The following GCLC variants were observed in gnomAD, a reference collection of about 807,000 sequenced individuals.
GCLC encodes the protein glutamate-cysteine ligase catalytic subunit.
GCLC carries 30 observed loss-of-function variants against 81.5 expected under a neutral mutation model. The observed-to-expected ratio is 0.37, with a 90% CI of 0.28 to 0.50. GCLC has a LOEUF of 0.50. GCLC is among the 20% of genes least tolerant of loss of function. GCLC has a pLI of 0.96. For synonymous variants in GCLC, 262 were observed against 273.3 expected, an observed-to-expected ratio of 0.96 and a Z score of 0.41; for missense variants, 556 against 777.4, an observed-to-expected ratio of 0.72 and a Z score of 3.39.
rs775235283 is a variant in GCLC at position 53,544,693 on chromosome 6, C to T, written c.-48G>A. On this transcript the variant is annotated 5_prime_UTR_variant, in exon 1 of 16. Transcript: ENST00000650454. Reference sequence around the variant, plus strand: ...TCCTCCTCCGGGCTGACGGCGGTCGCCCGCTCCGGGCGCGAGACGGACACT... The same window carrying T: ...TCCTCCTCCGGGCTGACGGCGGTCGTCCGCTCCGGGCGCGAGACGGACACT... 1.2e-5 allele frequency: 18 copies of T among 1,541,670 alleles called. No homozygotes were observed. Among genetic ancestry groups the T allele is most frequent in the Non-Finnish European group, 1.5e-5 (17 of 1,149,538 alleles).
chr6:53,544,449 C>T (rs1490701126), intron 1 of GCLC, 47 bp downstream of exon 1: 3 of 1,591,138 alleles, frequency 1.9e-6, no homozygotes, highest in Admixed American at 3.3e-5. Context: ...GCAGCGCGGG[C>T]GGCCAGACAC....
Position 53,505,457 on chromosome 6 carries a change from A to T in GCLC, c.1330T>A (p.Phe444Ile). Residue 444 changes from phenylalanine to isoleucine, a missense_variant, in exon 12 of 16, where the codon TTT becomes ATT. Coordinates refer to ENST00000650454, the MANE Select transcript of GCLC (RefSeq NM_001498.4). ...ATCACTCTGGTGAGCAGTACCACAA[A>T]CACCACATAGGCAGAGTTCTCAAAG... ...TDFENSAYVV[F>I]VVLLTRVILS... 1 of 1,606,754 alleles carries T rather than the reference A, an allele frequency of 6.2e-7. No homozygotes were observed. The highest frequency in any genetic ancestry group is 1.3e-5 in the African/African-American group (1 of 74,862).
chr6:53,529,899 C>G (rs1190192854), intron 1 of GCLC, among the ~76,000 whole-genome samples: 1 of 152,264 alleles, frequency 6.6e-6, no homozygotes, highest in African/African-American at 2.4e-5. Flanking sequence ...AGACAGAGAA[C>G]ACATCCCCCA....
chr6:53,509,741 T>C (rs1216321534), intron 6 of GCLC: 1 of 183,230 alleles, frequency 5.5e-6, no homozygotes, highest in Non-Finnish European at 1.1e-5. Flanking sequence ...CTCCACCTCC[T>C]GGGTTCACGC....
intron 1 of GCLC, among the ~76,000 whole-genome samples, chr6:53,531,822 C>T (rs1763176241): frequency 6.6e-6 from 1 of 152,236 alleles, no homozygotes; most frequent in Non-Finnish European, 1.5e-5. Flanking sequence ...ATTTATCCTG[C>T]CCAGAGCAGC....
rs1212648154 is a variant in GCLC, at chr6:53,544,894, C to T, written c.-249G>A. 1 of 331,434 alleles carries T rather than the reference C, an allele frequency of 3.0e-6. No homozygotes were observed. The highest frequency in any genetic ancestry group is 5.5e-6 in the Non-Finnish European group (1 of 183,466). The allele number at this position is 331,434 out of a possible 1,614,324, so 20.5% of individuals were successfully genotyped here. The stretch of plus-strand genomic sequence containing the variant: ...GCGAAGGCAGAAGACCGAGAGCAGG[C>T]GGGACGGCTCTCGGCCCGGCGGCCT... On this transcript the variant is annotated 5_prime_UTR_variant, in exon 1 of 16. Transcript: ENST00000650454.
chr6:53,517,079 A>AATTTTTTT (rs372330233), intron 3 of GCLC, among the ~76,000 whole-genome samples: 4 of 104,426 alleles, frequency 3.8e-5, no homozygotes, highest in Admixed American at 1.3e-4. Context: ...TTAAAAAAAA[A>AATTTTTTT]TTTTTTTTTT....
intron 1 of GCLC, among the ~76,000 whole-genome samples, chr6:53,529,562 A>G: frequency 6.6e-6 from 1 of 152,224 alleles, no homozygotes; most frequent in South Asian, 2.1e-4. Flanking sequence ...AACCTAAACC[A>G]GAACACATTT....
intron 12 of GCLC, 52 bp downstream of exon 12, chr6:53,505,340 A>G (rs1436943809): frequency 2.5e-6 from 2 of 786,262 alleles, no homozygotes; most frequent in African/African-American, 3.4e-5. Flanking sequence ...ATATAAATAA[A>G]TATATCTACA....
chr6:53,499,379 G>T (rs1468426901), intron 15 of GCLC, among the ~76,000 whole-genome samples: 3 of 152,208 alleles, frequency 2.0e-5, no homozygotes, highest in African/African-American at 7.2e-5. Context: ...GATCAAAGAG[G>T]TGGAGAGAAT....
chr6:53,500,365 G>A lies in GCLC; in HGVS notation c.1478-15C>T. 6.2e-7 allele frequency: 1 copy of A among 1,612,556 alleles called. No individual in the cohort carries two copies. The highest frequency in any genetic ancestry group is 8.5e-7 in the Non-Finnish European group (1 of 1,178,530). On this transcript the variant is annotated splice_polypyrimidine_tract_variant and intron_variant, in intron 13 of 15. Transcript: ENST00000650454. Reference sequence around the variant, plus strand: ...TGCATTGCCACCTGCCGGAGAAGAGGGTCAGGGGAGCTTTAGCAGCTTGTT... The same window carrying A: ...TGCATTGCCACCTGCCGGAGAAGAGAGTCAGGGGAGCTTTAGCAGCTTGTT...
intron 1 of GCLC, among the ~76,000 whole-genome samples, chr6:53,533,570 AG>A (rs11325697): frequency 0.17 from 25,195 of 152,120 alleles, 3,105 homozygotes; most frequent in Admixed American, 0.33. Context: ...GAAAGGTTGC[AG>A]GGGGAATGAA....
chr6:53,529,294 A>G (rs1407895174), intron 1 of GCLC, among the ~76,000 whole-genome samples: 2 of 152,136 alleles, frequency 1.3e-5, no homozygotes, highest in Non-Finnish European at 2.9e-5. Flanking sequence ...TGCATGAGAC[A>G]TTTTCTGGGC....
At chr6:53,517,468 C>T (rs1048268694) in intron 3 of GCLC, among the ~76,000 whole-genome samples, 10 of 152,106 alleles carry the variant, frequency 6.6e-5, no homozygotes, top group African/African-American at 2.4e-4. Context: ...CCCAAATCCA[C>T]CTTGTAAACA....
intron 1 of GCLC, among the ~76,000 whole-genome samples, chr6:53,532,372 T>C (rs77081729): frequency 0.036 from 5,439 of 152,334 alleles, 163 homozygotes; most frequent in Middle Eastern, 0.085. Flanking sequence ...AGGAACTATG[T>C]ATAAAGCGAT....
At chr6:53,544,072 TAAAAGCA>T (rs1486516707) in intron 1 of GCLC, among the ~76,000 whole-genome samples, 1 of 152,176 alleles carries the variant, frequency 6.6e-6, no homozygotes, top group Non-Finnish European at 1.5e-5. Flanking sequence ...ACCTGATTTC[TAAAAGCA>T]GCAGGCCTAC....
chr6:53,507,582 G>A lies in GCLC; in HGVS notation c.982C>T (p.Arg328Ter), dbSNP rs1020622290. 5.8e-6 allele frequency: 9 copies of A among 1,562,804 alleles called. No homozygotes were observed. The highest frequency in any genetic ancestry group is 7.1e-6 in the Non-Finnish European group (8 of 1,133,860). ...KNNNYRISKSRYDSIDSYLSK... is the reference protein window; with the variant it reads ...KNNNYRISKS ...AAATAGCTGTCTATTGAGTCATATC[G>A]GGATTTACTGATCCTATAGTTATTG... Residue 328 changes from arginine (R) to a stop codon, truncating the protein, a stop_gained, in exon 9 of 16, where the codon CGA becomes TGA. Transcript: ENST00000650454. LOFTEE classifies it high-confidence loss of function.
chr6:53,545,041 A>G lies in GCLC; in HGVS notation c.-396T>C. ...GTGCACTGGCTTCTTCCTACTTGTG[A>G]CCAAAACCTGCGCCGCCGCGGAGCA... On this transcript the variant is annotated 5_prime_UTR_variant, in exon 1 of 16. Coordinates refer to ENST00000650454, the MANE Select transcript of GCLC (RefSeq NM_001498.4). 1 of 159,208 alleles carries G rather than the reference A, an allele frequency of 6.3e-6. No homozygotes were observed. Among genetic ancestry groups the G allele is most frequent in the Non-Finnish European group, 1.4e-5 (1 of 72,940 alleles). 9.9% of individuals were successfully genotyped at this position (159,208 alleles called of 1,614,324 possible). A position where few individuals can be genotyped will look rare whatever the true frequency, so the allele number is the denominator to read the frequency against.
chr6:53,539,689 A>G (rs1227969222), intron 1 of GCLC, among the ~76,000 whole-genome samples: 1 of 152,160 alleles, frequency 6.6e-6, no homozygotes, highest in Non-Finnish European at 1.5e-5. Flanking sequence ...TGATGCCCAT[A>G]AAGCCCAACA....
Sources: allele counts gnomAD v4.1 joint callset (sites outside exome capture counted in the v4.1 genomes callset), GRCh38; gene constraint gnomAD v4.1.1; transcripts MANE v1.5; gene names NCBI Gene and HGNC (gene_info 2026-07-23, HGNC 2026-07-21).